Variants in PLXNA4 observed in about 807,000 individuals in gnomAD.
PLXNA4 encodes the protein plexin A4, also known as plexin-A4.
A neutral mutation model predicts 191.8 loss-of-function variants in PLXNA4; 44 were observed. The ratio of observed to expected loss-of-function variants is 0.23; its 90% confidence interval spans 0.18 to 0.29. The LOEUF is 0.29. Ranked by LOEUF, PLXNA4 falls within the 10% of genes least tolerant of loss-of-function variation. The pLI is 1.00. For missense variants in PLXNA4, 1,800 were observed against 2,488.8 expected (o/e 0.72, Z 5.89); for synonymous variants, 1,082 against 1,009.5 (o/e 1.07, Z -1.36).
intron 10 of PLXNA4, among the ~76,000 whole-genome samples, chr7:132,204,043 G>C (rs1797531728): frequency 6.6e-6 from 1 of 152,160 alleles, no homozygotes; most frequent in Non-Finnish European, 1.5e-5. Context: ...TTGGTGACGG[G>C]GGAAATCCTG....
At position 132,342,227 on chromosome 7, in the gene PLXNA4, T is replaced by A. The variant is rs758612822; in HGVS notation, c.1372-44005A>T. ...AATAAAAATAAAGCCTGTAAGACAT[T>A]ACTAAAAAGTAAAGAAAAAGGCAAC... On this transcript the variant is annotated intron_variant, in intron 3 of 31. Coordinates refer to ENST00000321063, the MANE Select transcript of PLXNA4 (RefSeq NM_020911.2). Among the ~76,000 whole-genome samples, 32 of 149,186 alleles carry A rather than the reference T, an allele frequency of 2.1e-4. 1 individual carries two copies. The highest frequency in any genetic ancestry group is 2.8e-4 in the Non-Finnish European group (19 of 67,584).
intron 1 of PLXNA4, among the ~76,000 whole-genome samples, chr7:132,543,383 C>A (rs1023048402): frequency 1.3e-5 from 2 of 152,204 alleles, no homozygotes; most frequent in Admixed American, 1.3e-4. Flanking sequence ...TCTTTAGAAG[C>A]CAGCAAAAGT....
intron 31 of PLXNA4, among the ~76,000 whole-genome samples, chr7:132,131,089 C>A (rs1359379230): frequency 2.6e-5 from 4 of 152,158 alleles, no homozygotes; most frequent in African/African-American, 9.7e-5. Flanking sequence ...TTTCACTTTG[C>A]CTGTTAAAAA....
intron 2 of PLXNA4, among the ~76,000 whole-genome samples, chr7:132,496,156 C>T (rs1357496309): frequency 1.3e-5 from 2 of 152,170 alleles, no homozygotes; most frequent in Non-Finnish European, 2.9e-5. Context: ...GAGGAAGAGG[C>T]GAGGTCTGGG....
intron 3 of PLXNA4, among the ~76,000 whole-genome samples, chr7:132,390,220 T>C (rs992438064): frequency 4.4e-4 from 67 of 152,152 alleles, no homozygotes; most frequent in Non-Finnish European, 2.9e-4. Context: ...ATACATACCA[T>C]GGAATACTAT....
intron 3 of PLXNA4, chr7:132,385,198 G>T (rs1374287190): frequency 1.2e-6 from 2 of 1,613,870 alleles, no homozygotes; most frequent in South Asian, 1.1e-5. Context: ...TCAGTTTGAT[G>T]AACAGCTGGA....
At chr7:132,223,474 T>C (rs1219312228) in intron 9 of PLXNA4, 53 bp downstream of exon 9, 2 of 1,446,778 alleles carry the variant, frequency 1.4e-6, no homozygotes, top group African/African-American at 2.8e-5. Context: ...CTCTCTTCTG[T>C]GTCCCATGCT....
intron 1 of PLXNA4, among the ~76,000 whole-genome samples, chr7:132,518,292 T>C (rs1359177446): frequency 6.6e-6 from 1 of 152,100 alleles, no homozygotes; most frequent in Non-Finnish European, 1.5e-5. Flanking sequence ...TCACTACCAC[T>C]AGGGGGAAAA....
intron 1 of PLXNA4, among the ~76,000 whole-genome samples, chr7:132,544,027 T>C (rs1431756453): frequency 6.6e-6 from 1 of 152,150 alleles, no homozygotes; most frequent in East Asian, 1.9e-4. Flanking sequence ...GAAAACCAGA[T>C]GAAGGACAGA....
intron 2 of PLXNA4, among the ~76,000 whole-genome samples, chr7:132,623,753 G>T (rs1156905831): frequency 6.6e-6 from 1 of 152,150 alleles, no homozygotes; most frequent in East Asian, 1.9e-4. Flanking sequence ...GCCTTTACAG[G>T]TGACCCATCC....
At position 132,194,043 on chromosome 7, in the gene PLXNA4, A is replaced by G. The variant is rs1797174243; in HGVS notation, c.2856+19T>C. 1.2e-6 allele frequency: 2 copies of G among 1,607,998 alleles called. No homozygotes were observed. Among genetic ancestry groups the G allele is most frequent in the South Asian group, 1.1e-5 (1 of 90,436 alleles). ...TCTGTGGCCTGCACCCAGCCAGATC[A>G]CTGCTGGCCAAGACTCACCATGAAG... is the stretch of plus-strand genomic sequence containing the variant. On this transcript the variant is annotated intron_variant, in intron 14 of 31. Transcript: ENST00000321063.
intron 4 of PLXNA4, among the ~76,000 whole-genome samples, chr7:132,246,402 T>C: frequency 6.6e-6 from 1 of 152,206 alleles, no homozygotes; most frequent in African/African-American, 2.4e-5. Context: ...TGTTTCCTGA[T>C]TTGGAAAAAT....
intron 11 of PLXNA4, among the ~76,000 whole-genome samples, 179 bp from the exon 12 acceptor site, chr7:132,203,015 A>G (rs1337311283): frequency 1.3e-5 from 2 of 152,184 alleles, no homozygotes; most frequent in Non-Finnish European, 2.9e-5. Flanking sequence ...GCCTGAGCAG[A>G]GGGACTGAAA....
chr7:132,472,359 T>G (rs1796963635), intron 3 of PLXNA4, among the ~76,000 whole-genome samples: 1 of 152,236 alleles, frequency 6.6e-6, no homozygotes, highest in Non-Finnish European at 1.5e-5. Context: ...ATCAATTATC[T>G]ATATTTTGCT....
At chr7:132,406,651 A>G (rs1794231618) in intron 3 of PLXNA4, among the ~76,000 whole-genome samples, 2 of 152,178 alleles carry the variant, frequency 1.3e-5, no homozygotes, top group South Asian at 4.1e-4. Flanking sequence ...GAAAAGGTCC[A>G]GGGTTTACCT....
chr7:132,292,458 T>G (rs1001098487), intron 4 of PLXNA4, among the ~76,000 whole-genome samples: 2 of 152,154 alleles, frequency 1.3e-5, no homozygotes, highest in Non-Finnish European at 2.9e-5. Context: ...CGAATCAAAG[T>G]TATCTGGTTC....
chr7:132,141,148 C>A (rs189034376), intron 29 of PLXNA4, among the ~76,000 whole-genome samples: 1 of 152,108 alleles, frequency 6.6e-6, no homozygotes, highest in Non-Finnish European at 1.5e-5. Flanking sequence ...TGCTATAAAG[C>A]GGAATTTCTA....
At chr7:132,367,252 G>C (rs1277937365) in intron 3 of PLXNA4, among the ~76,000 whole-genome samples, 1 of 152,220 alleles carries the variant, frequency 6.6e-6, no homozygotes, top group Non-Finnish European at 1.5e-5. Context: ...GGGCTGGGCT[G>C]TGGTGGCCAC....
rs377366720 is a variant in PLXNA4 at position 132,181,527 on chromosome 7, C to T, written c.3346G>A (p.Glu1116Lys). The change falls in exon 18 of 32, where the codon GAG (glutamate) becomes AAG (lysine). Residue 1116 changes from glutamate to lysine, a missense_variant. Physicochemically the swap from Glu to Lys is moderately conservative, Grantham distance 56. Coordinates refer to ENST00000321063, the MANE Select transcript of PLXNA4 (RefSeq NM_020911.2). ...TTGTCCAGGATGAAGCCAAACTCCT[C>T]GGGCCTCTCGGTCAGGTCTGACTGG... is the stretch of plus-strand genomic sequence containing the variant. ...DHQSDLTERP[E>K]EFGFILDNVQ... 8.7e-6 allele frequency: 14 copies of T among 1,614,004 alleles called. No individual in the cohort carries two copies. Among genetic ancestry groups the T allele is most frequent in the African/African-American group, 4.0e-5 (3 of 74,906 alleles).
Sources: allele counts gnomAD v4.1 joint callset (sites outside exome capture counted in the v4.1 genomes callset), GRCh38; gene constraint gnomAD v4.1.1; transcripts MANE v1.5; gene names NCBI Gene and HGNC (gene_info 2026-07-23, HGNC 2026-07-21).